Variants in DYNLT5 observed in about 807,000 individuals in gnomAD.
The protein encoded by DYNLT5 is dynein light chain Tctex-type family member 5, also known as dynein light chain Tctex-type 5.
A neutral mutation model predicts 19.3 loss-of-function variants in DYNLT5; 25 were observed. The observed-to-expected ratio is 1.30, with a 90% CI of 0.95 to 1.81. DYNLT5 has a LOEUF of 1.81. Ranked by LOEUF, DYNLT5 falls within the 40% of genes most tolerant of loss-of-function variation. The pLI is 0.00. For missense variants in DYNLT5, 232 were observed against 217.9 expected (o/e 1.06, Z -0.41); for synonymous variants, 82 against 68.9 (o/e 1.19, Z -0.94).
At chr1:66,776,866 T>C (rs961914244) in intron 4 of DYNLT5, among the ~76,000 whole-genome samples, 18 of 152,174 alleles carry the variant, frequency 1.2e-4, no homozygotes, top group Admixed American at 6.6e-4. Flanking sequence ...ATTAGTTATA[T>C]TACAGGAGAC....
At position 66,756,927 on chromosome 1, in the gene DYNLT5, CT is replaced by C. The variant is rs1244748761; in HGVS notation, c.119+2151del. 2.0e-5 allele frequency among the ~76,000 whole-genome samples: 3 copies of C among 152,248 alleles called. No individual in the cohort carries two copies. The East Asian group carries it at 5.8e-4, about 29-fold the overall frequency. ...GCAATGCTCTTCTTACACTATTCCC[CT>C]GGCTTTCTTCACTTCTTCCATCAGA... is the stretch of plus-strand genomic sequence containing the variant. On this transcript the variant is annotated intron_variant, in intron 2 of 4. Coordinates refer to ENST00000282670, the MANE Select transcript of DYNLT5 (RefSeq NM_152665.3).
chr1:66,760,110 A>C (rs2094643214), intron 2 of DYNLT5, among the ~76,000 whole-genome samples: 1 of 152,040 alleles, frequency 6.6e-6, no homozygotes, highest in African/African-American at 2.4e-5. Flanking sequence ...ATTGCACATC[A>C]CATCTTCTCC....
intron 2 of DYNLT5, among the ~76,000 whole-genome samples, chr1:66,756,146 A>G (rs1191073336): frequency 1.3e-5 from 2 of 152,254 alleles, no homozygotes; most frequent in Non-Finnish European, 2.9e-5. Flanking sequence ...TACAAAAATC[A>G]TATTTATCAA....
rs1371178202 is a variant in DYNLT5 at position 66,766,701 on chromosome 1, C to A, written c.120-3686C>A. Among the ~76,000 whole-genome samples, 7 of 151,512 alleles carry A rather than the reference C, an allele frequency of 4.6e-5. No homozygotes were observed. The East Asian group carries it at 1.3e-3, about 29-fold the overall frequency. Reference sequence around the variant, plus strand: ...TTCAACATTTTCCTTCTTTTTTGTTCTCTCCCTTTTTCTAACCCATTTCAT... The same window carrying A: ...TTCAACATTTTCCTTCTTTTTTGTTATCTCCCTTTTTCTAACCCATTTCAT... On this transcript the variant is annotated intron_variant, in intron 2 of 4. Coordinates refer to ENST00000282670, the MANE Select transcript of DYNLT5 (RefSeq NM_152665.3).
At chr1:66,762,839 TA>T (rs1396505649) in intron 2 of DYNLT5, among the ~76,000 whole-genome samples, 3 of 152,122 alleles carry the variant, frequency 2.0e-5, no homozygotes, top group African/African-American at 4.8e-5. Context: ...TAGTGGGGGT[TA>T]GGGGAAAAAA....
At chr1:66,759,509 C>T (rs1480542175) in intron 2 of DYNLT5, among the ~76,000 whole-genome samples, 1 of 152,126 alleles carries the variant, frequency 6.6e-6, no homozygotes, top group South Asian at 2.1e-4. Flanking sequence ...AAGATACATA[C>T]ACGTTTTTTT....
rs565706315 is a variant in DYNLT5 at position 66,759,768 on chromosome 1, A to G, written c.119+4991A>G. On this transcript the variant is annotated intron_variant, in intron 2 of 4. Coordinates refer to ENST00000282670, the MANE Select transcript of DYNLT5 (RefSeq NM_152665.3). ...TGTGAGAGTAAAACCTGATATCGCCATTTGGCAAAGAAAGTTAATGGTTTT... is the reference window on the plus strand; with the variant it reads ...TGTGAGAGTAAAACCTGATATCGCCGTTTGGCAAAGAAAGTTAATGGTTTT... 1.1e-4 allele frequency among the ~76,000 whole-genome samples: 17 copies of G among 152,362 alleles called. No individual in the cohort carries two copies. In the South Asian group the frequency reaches 3.1e-3, roughly 28 times the overall value.
At chr1:66,757,134 T>C (rs1329824534) in intron 2 of DYNLT5, among the ~76,000 whole-genome samples, 1 of 152,184 alleles carries the variant, frequency 6.6e-6, no homozygotes, top group Non-Finnish European at 1.5e-5. Context: ...CTTATTTGTC[T>C]TTTTAGCGGT....
chr1:66,762,123 G>A (rs1464633560), intron 2 of DYNLT5, among the ~76,000 whole-genome samples: 3 of 152,086 alleles, frequency 2.0e-5, no homozygotes, highest in African/African-American at 7.2e-5. Context: ...CAGCAATTCA[G>A]CCACATATTC....
At chr1:66,765,250 A>T (rs1032268314) in intron 2 of DYNLT5, among the ~76,000 whole-genome samples, 2 of 152,204 alleles carry the variant, frequency 1.3e-5, no homozygotes, top group African/African-American at 4.8e-5. Context: ...AAATGATACT[A>T]TATTTATAAA....
At chr1:66,757,623 T>C (rs1158352644) in intron 2 of DYNLT5, among the ~76,000 whole-genome samples, 3 of 152,132 alleles carry the variant, frequency 2.0e-5, no homozygotes, top group Admixed American at 2.0e-4. Context: ...ACCTGAACAA[T>C]TTATAATAAT....
At chr1:66,764,395 T>G (rs1219776836) in intron 2 of DYNLT5, among the ~76,000 whole-genome samples, 1 of 152,172 alleles carries the variant, frequency 6.6e-6, no homozygotes, top group Non-Finnish European at 1.5e-5. Context: ...ACTGTAGGAT[T>G]ATTAATTGGC....
At chr1:66,764,248 T>C (rs1023795180) in intron 2 of DYNLT5, among the ~76,000 whole-genome samples, 1 of 152,190 alleles carries the variant, frequency 6.6e-6, no homozygotes, top group Admixed American at 6.5e-5. Flanking sequence ...ACTTGACTAA[T>C]TGTTGGCCCA....
Position 66,754,735 on chromosome 1 carries a change from A to G in DYNLT5, c.77A>G (p.Asn26Ser). ...AGAGGGAGTATTTCTTCTCTAAGTA[A>G]TCATGAATTTTGGCGAAAGGAAATT... is the stretch of plus-strand genomic sequence containing the variant. ...KKRGSISSLS[N>S]HEFWRKEIHG... Residue 26 changes from asparagine to serine, a missense_variant, in exon 2 of 5, where the codon AAT becomes AGT. Asn to Ser is a conservative substitution (Grantham distance 46). Transcript: ENST00000282670. The G allele has an allele frequency of 6.2e-7, 1 of 1,613,230 alleles. No individual in the cohort carries two copies. Among genetic ancestry groups the G allele is most frequent in the Non-Finnish European group, 8.5e-7 (1 of 1,179,708 alleles).
chr1:66,772,572 C>T (rs1175434080), intron 3 of DYNLT5, among the ~76,000 whole-genome samples: 3 of 152,158 alleles, frequency 2.0e-5, no homozygotes, highest in Non-Finnish European at 4.4e-5. Flanking sequence ...AATAGTTTAT[C>T]ATATCTTTAC....
Position 66,777,726 on chromosome 1 carries a change from G to T in DYNLT5, c.*272G>T. 1 of 255,522 alleles carries T rather than the reference G, an allele frequency of 3.9e-6. No homozygotes were observed. The highest frequency in any genetic ancestry group is 7.5e-5 in the East Asian group (1 of 13,280). The allele number at this position is 255,522 out of a possible 1,614,324, so 15.8% of individuals were successfully genotyped here. ...AGATTCTTATTAAATATTTGTTTTG[G>T]TACTAATTATTTTAATTATTCTTTA... On this transcript the variant is annotated 3_prime_UTR_variant, in exon 5 of 5. Coordinates refer to ENST00000282670, the MANE Select transcript of DYNLT5 (RefSeq NM_152665.3).
intron 4 of DYNLT5, 131 bp downstream of exon 4, chr1:66,776,534 A>C: frequency 9.3e-7 from 1 of 1,077,660 alleles, no homozygotes; most frequent in African/African-American, 1.7e-5. Flanking sequence ...TAATTAGGTC[A>C]TATTCTACAT....
At chr1:66,755,353 TA>T (rs2094634347) in intron 2 of DYNLT5, among the ~76,000 whole-genome samples, 1 of 152,178 alleles carries the variant, frequency 6.6e-6, no homozygotes, top group Admixed American at 6.6e-5. Context: ...CAAAGGGCAA[TA>T]AGTAGATTTT....
intron 2 of DYNLT5, among the ~76,000 whole-genome samples, chr1:66,767,821 A>G (rs990202476): frequency 1.3e-5 from 2 of 152,186 alleles, no homozygotes; most frequent in African/African-American, 4.8e-5. Context: ...GTCACAAAGA[A>G]GGGTCAAAAC....
Sources: gnomAD v4.1 joint callset for allele counts (sites outside exome capture counted in the v4.1 genomes callset) on GRCh38, gnomAD v4.1.1 for gene constraint, MANE v1.5 for transcripts, NCBI Gene and HGNC (gene_info 2026-07-23, HGNC 2026-07-21) for gene names.